Variants in RERE observed in about 807,000 individuals in gnomAD.
RERE encodes the protein arginine-glutamic acid dipeptide repeats.
Under a neutral mutation model 146.1 loss-of-function variants are expected in RERE, and 40 were observed. That is an observed-to-expected ratio of 0.27 (90% CI 0.21 to 0.36). The LOEUF (loss-of-function observed/expected upper bound fraction) is 0.36, where lower values mean the gene tolerates loss of function less well. Among genes scored for constraint, RERE ranks in the 10% least tolerant of loss-of-function variants. RERE has a pLI of 1.00. For synonymous variants in RERE, 1,003 were observed against 866.0 expected (o/e 1.16, Z -2.78); for missense variants, 1,933 against 2,138.7 (o/e 0.90, Z 1.90).
intron 1 of RERE, among the ~76,000 whole-genome samples, chr1:8,774,340 G>T: frequency 7.0e-6 from 1 of 142,466 alleles, no homozygotes; most frequent in Non-Finnish European, 1.5e-5. Context: ...CTTCATTTTG[G>T]CAAACTATTT....
chr1:8,772,828 C>T (rs1569763934), intron 1 of RERE, among the ~76,000 whole-genome samples: 1 of 151,964 alleles, frequency 6.6e-6, no homozygotes, highest in African/African-American at 2.4e-5. Flanking sequence ...GTGGCTCATG[C>T]CTGTAATCCC....
rs755040465 is a variant in RERE, at chr1:8,355,125, A to G, written c.4668-5T>C. 9 of 1,613,934 alleles carry G rather than the reference A, an allele frequency of 5.6e-6. No homozygotes were observed. The highest frequency in any genetic ancestry group is 7.6e-6 in the Non-Finnish European group (9 of 1,179,902). The stretch of plus-strand genomic sequence containing the variant: ...TCACCTTCTTTCTTCAGTCGACTGG[A>G]AAGACAAAACAGGAAAGCGTATTTA... On this transcript the variant is annotated splice_region_variant and splice_polypyrimidine_tract_variant and intron_variant, in intron 22 of 22. Coordinates refer to ENST00000400908, the MANE Select transcript of RERE (RefSeq NM_001042681.2).
intron 1 of RERE, among the ~76,000 whole-genome samples, chr1:8,727,007 T>C (rs912183620): frequency 1.3e-5 from 2 of 152,166 alleles, no homozygotes; most frequent in African/African-American, 4.8e-5. Flanking sequence ...GTTTTCACCA[T>C]GTTGGCCAGG....
chr1:8,355,307 C>A, intron 22 of RERE, 112 bp downstream of exon 22: 1 of 1,271,754 alleles, frequency 7.9e-7, no homozygotes, highest in Non-Finnish European at 1.1e-6. Flanking sequence ...TCCACAATGT[C>A]CCCTCCAGGG....
At chr1:8,388,406 G>A (rs1642759175) in intron 12 of RERE, among the ~76,000 whole-genome samples, 2 of 151,376 alleles carry the variant, frequency 1.3e-5, no homozygotes, top group South Asian at 2.1e-4. Flanking sequence ...TGCAAGCTCC[G>A]CTTCCCGGGT....
chr1:8,418,255 G>A (rs1220345517), intron 12 of RERE, among the ~76,000 whole-genome samples: 1 of 152,218 alleles, frequency 6.6e-6, no homozygotes, highest in Non-Finnish European at 1.5e-5. Context: ...TTCCAGTGTA[G>A]TAAGTGTCAA....
Position 8,656,399 on chromosome 1 carries a change from G to A in RERE, c.-102C>T. The A allele has an allele frequency of 6.9e-7, 1 of 1,451,858 alleles. No individual in the cohort carries two copies. Among genetic ancestry groups the A allele is most frequent in the Non-Finnish European group, 9.2e-7 (1 of 1,085,330 alleles). 89.9% of individuals were successfully genotyped at this position (1,451,858 alleles called of 1,614,324 possible). A position where few individuals can be genotyped will look rare whatever the true frequency, so the allele number is the denominator to read the frequency against. On this transcript the variant is annotated 5_prime_UTR_variant, in exon 2 of 23. Transcript: ENST00000400908. ...CTTCTGAATTTCTCACTCAATTCCAGGGAAAATCCAACCACTCCAACAACC... is the reference window on the plus strand; with the variant it reads ...CTTCTGAATTTCTCACTCAATTCCAAGGAAAATCCAACCACTCCAACAACC...
Position 8,789,294 on chromosome 1 carries a change from A to AT in RERE, c.-145+27865_-145+27866insA, listed in dbSNP as rs1356200203. The stretch of plus-strand genomic sequence containing the variant: ...ACCTCCTCTCTACCAAAAAAAAAAA[A>AT]AAAAAAAATATATATATATATATAT... On this transcript the variant is annotated intron_variant, in intron 1 of 22. Coordinates refer to ENST00000400908, the MANE Select transcript of RERE (RefSeq NM_001042681.2). 3.9e-3 allele frequency among the ~76,000 whole-genome samples: 416 copies of AT among 107,534 alleles called. 5 individuals carry two copies. The highest frequency in any genetic ancestry group is 8.8e-3 in the Middle Eastern group (2 of 226). 70.5% of individuals were successfully genotyped at this position (107,534 alleles called of 152,430 possible).
intron 4 of RERE, among the ~76,000 whole-genome samples, chr1:8,568,875 C>T (rs113543223): frequency 0.017 from 2,634 of 152,222 alleles, 63 homozygotes; most frequent in African/African-American, 0.059. Context: ...AGCCAGCCAG[C>T]CAGCCAATTG....
chr1:8,711,352 C>T (rs1195221190), intron 1 of RERE, among the ~76,000 whole-genome samples: 5 of 152,102 alleles, frequency 3.3e-5, no homozygotes, highest in Non-Finnish European at 5.9e-5. Context: ...AAGGTCAGGC[C>T]TGGAGGTTTT....
rs761579435 is a variant in RERE, at chr1:8,364,206, G to A, written c.1590C>T (p.Thr530=). The A allele has an allele frequency of 1.4e-5, 22 of 1,614,014 alleles. No individual in the cohort carries two copies. The highest frequency in any genetic ancestry group is 4.4e-5 in the South Asian group (4 of 91,082). ...ATTTCTTGAAGTGGATGCGACAGTC[G>A]GTGCAAAGCAGGATGTTCTCCCGGC... ...HGGRENILLC[T]DCRIHFKKYG... The change falls in exon 15 of 23, where the codon ACC becomes ACT. Residue 530 remains threonine, a synonymous_variant. Coordinates refer to ENST00000400908, the MANE Select transcript of RERE (RefSeq NM_001042681.2). The surrounding 1 kb of genome is among the most constrained non-coding windows in gnomAD (Gnocchi z 5.1).
chr1:8,470,875 G>A (rs1443593028), intron 10 of RERE, among the ~76,000 whole-genome samples: 1 of 125,352 alleles, frequency 8.0e-6, no homozygotes, highest in Non-Finnish European at 1.6e-5. Flanking sequence ...CTGGAGTGCA[G>A]TGGCACAATT....
chr1:8,480,125 TTTG>T (rs1321928627), intron 10 of RERE, among the ~76,000 whole-genome samples: 1 of 47,280 alleles, frequency 2.1e-5, no homozygotes, highest in African/African-American at 1.3e-4. Context: ...AAAGCCTTTT[TTTG>T]TTTTTTTTTT....
chr1:8,725,375 G>A (rs1639941900), intron 1 of RERE, among the ~76,000 whole-genome samples: 1 of 152,166 alleles, frequency 6.6e-6, no homozygotes, highest in South Asian at 2.1e-4. Context: ...AGACCAACCT[G>A]ACCAACATGG....
intron 1 of RERE, among the ~76,000 whole-genome samples, chr1:8,710,556 T>C (rs1324625223): frequency 6.6e-6 from 1 of 152,220 alleles, no homozygotes; most frequent in African/African-American, 2.4e-5. Context: ...TCTCGCTGTG[T>C]CACCCAGGCT....
intron 1 of RERE, chr1:8,786,763 T>C (rs1417498268): frequency 1.3e-6 from 1 of 782,832 alleles, no homozygotes; most frequent in Non-Finnish European, 2.3e-6. Flanking sequence ...CCTATATTCC[T>C]TGTGATAGCA....
At chr1:8,371,321 C>T (rs1642026750) in intron 12 of RERE, among the ~76,000 whole-genome samples, 1 of 152,160 alleles carries the variant, frequency 6.6e-6, no homozygotes, top group African/African-American at 2.4e-5. Flanking sequence ...AGTCTCTTCC[C>T]AGCAGAGGTG....
intron 12 of RERE, among the ~76,000 whole-genome samples, chr1:8,380,208 C>T (rs1034231493): frequency 6.6e-6 from 1 of 152,176 alleles, no homozygotes; most frequent in Non-Finnish European, 1.5e-5. Flanking sequence ...CCTTCATGCC[C>T]ACATGGCAAA....
At position 8,423,702 on chromosome 1, in the gene RERE, C is replaced by T. The variant is rs1643952640; in HGVS notation, c.1204-895G>A. The T allele has an allele frequency of 4.1e-6, 4 of 981,758 alleles. No individual in the cohort carries two copies. The highest frequency in any genetic ancestry group is 4.8e-6 in the Non-Finnish European group (4 of 828,732). 60.8% of individuals were successfully genotyped at this position (981,758 alleles called of 1,614,324 possible). On this transcript the variant is annotated intron_variant, in intron 11 of 22. Transcript: ENST00000400908. This position sits in a 1 kb window ranked among gnomAD's most constrained non-coding sequence, Gnocchi z 5.4. ...AGGGCGGAGGCGGCCGCGGGTGGCTCGGCGTGTGACCGCGGCGGGGCCGCG... is the reference window on the plus strand; with the variant it reads ...AGGGCGGAGGCGGCCGCGGGTGGCTTGGCGTGTGACCGCGGCGGGGCCGCG...
Sources: allele counts gnomAD v4.1 joint callset (sites outside exome capture counted in the v4.1 genomes callset), GRCh38; gene constraint gnomAD v4.1.1; non-coding constraint Gnocchi (gnomAD v3.1); transcripts MANE v1.5; gene names NCBI Gene and HGNC (gene_info 2026-07-23, HGNC 2026-07-21).